NSMCE2: variants seen among roughly 807,000 people sequenced by gnomAD.
NSMCE2 encodes the protein E3 SUMO-protein ligase NSE2.
In NSMCE2, 24 loss-of-function variants were observed where a neutral mutation model predicts 23.8. That is an observed-to-expected ratio of 1.01 (90% CI 0.73 to 1.42). The LOEUF (loss-of-function observed/expected upper bound fraction) is 1.42, where lower values mean the gene tolerates loss of function less well. Among genes scored for constraint, NSMCE2 ranks in the 40% most tolerant of loss-of-function variants. NSMCE2 has a pLI of 0.00. For missense variants in NSMCE2, 284 were observed against 296.5 expected (o/e 0.96, Z 0.31); for synonymous variants, 92 against 94.1 (o/e 0.98, Z 0.13).
At chr8:125,262,379 G>C (rs1156288891) in intron 5 of NSMCE2, among the ~76,000 whole-genome samples, 1 of 152,080 alleles carries the variant, frequency 6.6e-6, no homozygotes, top group South Asian at 2.1e-4. Context: ...AGCAGAGATC[G>C]CGCCACTGCA....
intron 4 of NSMCE2, among the ~76,000 whole-genome samples, chr8:125,159,772 C>T (rs1258184624): frequency 6.6e-6 from 1 of 151,974 alleles, no homozygotes; most frequent in African/African-American, 2.4e-5. Flanking sequence ...CCAGCCTGCC[C>T]AACATGGTAA....
chr8:125,180,488 TTA>T (rs781227559), intron 4 of NSMCE2, among the ~76,000 whole-genome samples: 7 of 152,208 alleles, frequency 4.6e-5, no homozygotes, highest in Non-Finnish European at 8.8e-5. Flanking sequence ...CAAAAGAAGA[TTA>T]TGTCTTTTCT....
At chr8:125,201,992 A>G (rs544847062) in intron 5 of NSMCE2, among the ~76,000 whole-genome samples, 10 of 152,368 alleles carry the variant, frequency 6.6e-5, no homozygotes, top group Admixed American at 5.9e-4. Context: ...GCAGTGAGCA[A>G]GGCTCCGTCG....
At position 125,272,305 on chromosome 8, in the gene NSMCE2, C is replaced by T. The variant is rs887422803; in HGVS notation, c.419-84914C>T. On this transcript the variant is annotated intron_variant, in intron 5 of 7. Coordinates refer to ENST00000287437, the MANE Select transcript of NSMCE2 (RefSeq NM_173685.4). ...CTGGGATTACAGGCTTGAGCCACCGCGCCCGGCAAATCTGCAGTTTCTTCA... is the reference window on the plus strand; with the variant it reads ...CTGGGATTACAGGCTTGAGCCACCGTGCCCGGCAAATCTGCAGTTTCTTCA... Among the ~76,000 whole-genome samples, 6 of 152,082 alleles carry T rather than the reference C, an allele frequency of 3.9e-5. No individual in the cohort carries two copies. In the East Asian group the frequency reaches 7.7e-4, roughly 20 times the overall value.
intron 5 of NSMCE2, among the ~76,000 whole-genome samples, chr8:125,302,167 G>A (rs2131201565): frequency 6.6e-6 from 1 of 152,066 alleles, no homozygotes; most frequent in South Asian, 2.1e-4. Context: ...ATGTTGGCCA[G>A]GCTGGTCTTG....
chr8:125,320,707 A>G (rs1447152583), intron 5 of NSMCE2, among the ~76,000 whole-genome samples: 1 of 152,226 alleles, frequency 6.6e-6, no homozygotes, highest in African/African-American at 2.4e-5. Flanking sequence ...CAATAAAAGA[A>G]TTCATCACCA....
chr8:125,263,160 CAG>C (rs779934731), intron 5 of NSMCE2, among the ~76,000 whole-genome samples: 1 of 152,058 alleles, frequency 6.6e-6, no homozygotes, highest in Non-Finnish European at 1.5e-5. Context: ...ATTAAGGGAG[CAG>C]AGAGAGAGAT....
intron 4 of NSMCE2, among the ~76,000 whole-genome samples, chr8:125,164,469 G>A (rs1286128750): frequency 6.6e-6 from 1 of 152,142 alleles, no homozygotes; most frequent in East Asian, 1.9e-4. Context: ...TTATGATTTT[G>A]TACATCTCTT....
At chr8:125,214,445 G>A (rs772764439) in intron 5 of NSMCE2, among the ~76,000 whole-genome samples, 2 of 152,188 alleles carry the variant, frequency 1.3e-5, no homozygotes, top group Non-Finnish European at 2.9e-5. Flanking sequence ...GCTGAGTCAT[G>A]GGGGCTCACG....
chr8:125,257,165 T>C (rs1826470015), intron 5 of NSMCE2, among the ~76,000 whole-genome samples: 1 of 150,688 alleles, frequency 6.6e-6, no homozygotes, highest in South Asian at 2.1e-4. Context: ...GTGCCTGTAA[T>C]CCCAGCTATT....
chr8:125,162,793 G>A (rs1821691851), intron 4 of NSMCE2, among the ~76,000 whole-genome samples: 1 of 152,116 alleles, frequency 6.6e-6, no homozygotes, highest in Non-Finnish European at 1.5e-5. Flanking sequence ...GGAATAAATG[G>A]CGATAAACTT....
At chr8:125,271,992 A>G (rs543430319) in intron 5 of NSMCE2, among the ~76,000 whole-genome samples, 15 of 150,564 alleles carry the variant, frequency 1.0e-4, no homozygotes, top group African/African-American at 2.7e-4. Flanking sequence ...TGACAACTGA[A>G]TATTGAATCT....
chr8:125,095,891 AAAAAAAAAAAG>A (rs1817905296), intron 1 of NSMCE2, among the ~76,000 whole-genome samples: 2 of 151,922 alleles, frequency 1.3e-5, no homozygotes, highest in Admixed American at 1.3e-4. Flanking sequence ...TCAAAAAAAA[AAAAAAAAAAAG>A]AAAAGAAAAT....
intron 5 of NSMCE2, among the ~76,000 whole-genome samples, chr8:125,275,984 C>T (rs1400251067): frequency 1.3e-5 from 2 of 152,178 alleles, no homozygotes; most frequent in Admixed American, 6.5e-5. Flanking sequence ...CCCTATATTC[C>T]TTTGATCTCA....
At chr8:125,182,576 T>C (rs1822883092) in intron 5 of NSMCE2, 1 of 424,406 alleles carries the variant, frequency 2.4e-6, no homozygotes, top group Non-Finnish European at 4.1e-6. Flanking sequence ...TAAATAACAA[T>C]GGTATCGTTC....
chr8:125,207,810 T>C (rs1824173403), intron 5 of NSMCE2, among the ~76,000 whole-genome samples: 1 of 152,196 alleles, frequency 6.6e-6, no homozygotes, highest in African/African-American at 2.4e-5. Context: ...CCCTGCTCCA[T>C]GTGGTTGCAG....
intron 5 of NSMCE2, among the ~76,000 whole-genome samples, chr8:125,346,364 C>T (rs948186596): frequency 3.3e-5 from 5 of 152,152 alleles, no homozygotes; most frequent in African/African-American, 7.2e-5. Context: ...ACAGGCTATA[C>T]GAACAACTTG....
chr8:125,280,769 T>A (rs1827658744), intron 5 of NSMCE2, among the ~76,000 whole-genome samples: 1 of 152,212 alleles, frequency 6.6e-6, no homozygotes, highest in Admixed American at 6.5e-5. Flanking sequence ...GACATAGGAG[T>A]CAATAACGAT....
chr8:125,259,578 A>C (rs1826596295), intron 5 of NSMCE2, among the ~76,000 whole-genome samples: 1 of 152,070 alleles, frequency 6.6e-6, no homozygotes, highest in Non-Finnish European at 1.5e-5. Flanking sequence ...GGCCCCTGGC[A>C]CCAAAAGTTG....
Sources: gnomAD v4.1 joint callset for allele counts (sites outside exome capture counted in the v4.1 genomes callset) on GRCh38, gnomAD v4.1.1 for gene constraint, MANE v1.5 for transcripts, NCBI Gene and HGNC (gene_info 2026-07-23, HGNC 2026-07-21) for gene names.